PTCHD4: variants seen among roughly 807,000 people sequenced by gnomAD.
The protein encoded by PTCHD4 is patched domain containing 4, also known as patched domain-containing protein 4.
A neutral mutation model predicts 58.1 loss-of-function variants in PTCHD4; 33 were observed. The observed-to-expected ratio is 0.57, with a 90% CI of 0.43 to 0.76. The LOEUF (loss-of-function observed/expected upper bound fraction) is 0.76, where lower values mean the gene tolerates loss of function less well. PTCHD4 is among the 30% of genes least tolerant of loss of function. The pLI is 0.00. For synonymous variants in PTCHD4, 478 were observed against 409.6 expected (o/e 1.17, Z -2.02); for missense variants, 1,058 against 1,027.1 (o/e 1.03, Z -0.41).
intron 3 of PTCHD4, among the ~76,000 whole-genome samples, chr6:48,067,584 C>T (rs1049798696): frequency 3.9e-5 from 6 of 152,220 alleles, no homozygotes; most frequent in Middle Eastern, 3.4e-3. Context: ...CACACTCACA[C>T]GGCACCAAAA....
intron 1 of PTCHD4, among the ~76,000 whole-genome samples, chr6:48,070,932 T>A (rs1764965262): frequency 6.6e-6 from 1 of 152,258 alleles, no homozygotes; most frequent in South Asian, 2.1e-4. Context: ...ATCCTCTACG[T>A]TAAATTTTTT....
At chr6:48,096,723 A>C (rs1765477900) in intron 1 of PTCHD4, among the ~76,000 whole-genome samples, 1 of 152,178 alleles carries the variant, frequency 6.6e-6, no homozygotes, top group Non-Finnish European at 1.5e-5. Context: ...AGCATGGGGC[A>C]ATATTGTGAT....
At chr6:48,022,077 T>C (rs1195971266) in intron 3 of PTCHD4, among the ~76,000 whole-genome samples, 1 of 152,126 alleles carries the variant, frequency 6.6e-6, no homozygotes, top group Non-Finnish European at 1.5e-5. Context: ...AGTGACACCC[T>C]TGTATCTTTA....
At chr6:47,918,182 A>C (rs1288720564) in intron 4 of PTCHD4, among the ~76,000 whole-genome samples, 1 of 152,052 alleles carries the variant, frequency 6.6e-6, no homozygotes, top group Admixed American at 6.6e-5. Context: ...TCATGTCTGC[A>C]CCAGAAAACC....
intron 3 of PTCHD4, among the ~76,000 whole-genome samples, chr6:48,046,529 T>C (rs943686948): frequency 2.0e-5 from 3 of 151,892 alleles, no homozygotes; most frequent in Non-Finnish European, 4.4e-5. Flanking sequence ...TATAAACAAC[T>C]GTTTGAAATG....
chr6:48,097,679 C>G (rs1221556377), intron 1 of PTCHD4, among the ~76,000 whole-genome samples: 1 of 152,112 alleles, frequency 6.6e-6, no homozygotes, highest in Non-Finnish European at 1.5e-5. Flanking sequence ...AAGCCCCTGT[C>G]TTCTGAGGAC....
rs1763438404 is a variant in PTCHD4 at position 47,861,956 on chromosome 6, T to C, written c.*16347A>G. On this transcript the variant is annotated 3_prime_UTR_variant, in exon 5 of 5. Transcript: ENST00000339488. The stretch of plus-strand genomic sequence containing the variant: ...CCTAGGTAACTGTCCATATTTCCTG[T>C]TATCGAAAAAGTTCTTCCAATCAGT... Among the ~76,000 whole-genome samples the C allele has an allele frequency of 6.6e-6, 1 of 151,898 alleles. No individual in the cohort carries two copies. The highest frequency in any genetic ancestry group is 2.1e-4 in the South Asian group (1 of 4,826).
In PTCHD4 at chr6:48,008,063, A is replaced by T. The variant is rs570851126; in HGVS notation, c.898+571T>A. Among the ~76,000 whole-genome samples the T allele has an allele frequency of 8.5e-5, 13 of 152,276 alleles. No individual in the cohort carries two copies. In the South Asian group the frequency reaches 2.5e-3, roughly 29 times the overall value. On this transcript the variant is annotated intron_variant, in intron 4 of 4. Transcript: ENST00000339488. ...CTAAGGCTATTCATTAATTCTTTTC[A>T]CCAAAGATGAAAAAAATTAGAGGAT...
At chr6:47,936,677 A>G (rs1415310367) in intron 4 of PTCHD4, among the ~76,000 whole-genome samples, 1 of 152,208 alleles carries the variant, frequency 6.6e-6, no homozygotes, top group Non-Finnish European at 1.5e-5. Flanking sequence ...TTAAACATCT[A>G]TTGTGATGTG....
At position 47,905,392 on chromosome 6, in the gene PTCHD4, G is replaced by T. The variant is rs191893152; in HGVS notation, c.899-25456C>A. Among the ~76,000 whole-genome samples, 1,150 of 152,204 alleles carry T rather than the reference G, an allele frequency of 7.6e-3. 3 individuals carry two copies. The highest frequency in any genetic ancestry group is 0.013 in the Non-Finnish European group (882 of 68,006). On this transcript the variant is annotated intron_variant, in intron 4 of 4. Transcript: ENST00000339488. ...TGATGATGGTGGCTTAGACTAAGTT[G>T]GGTCTATGGTTTAATTCAGCAAACA...
At chr6:48,091,715 C>T (rs1253707191) in intron 1 of PTCHD4, among the ~76,000 whole-genome samples, 3 of 140,848 alleles carry the variant, frequency 2.1e-5, no homozygotes, top group Admixed American at 7.1e-5. Context: ...GGCACAATCT[C>T]GGCTCACTGC....
chr6:48,022,483 A>G (rs1763103499), intron 3 of PTCHD4, among the ~76,000 whole-genome samples: 1 of 152,118 alleles, frequency 6.6e-6, no homozygotes, highest in African/African-American at 2.4e-5. Flanking sequence ...CCTTACTATA[A>G]CCAAGATATT....
rs1352780511 is a variant in PTCHD4 at position 47,873,226 on chromosome 6, GTTGAGAATCTATAGT to G, written c.*5062_*5076del. Among the ~76,000 whole-genome samples the G allele has an allele frequency of 6.6e-6, 1 of 151,738 alleles. No individual in the cohort carries two copies. Among genetic ancestry groups the G allele is most frequent in the Non-Finnish European group, 1.5e-5 (1 of 67,788 alleles). ...TTGCCTATGATCAAGTTTGCTAGCA[GTTGAGAATCTATAGT>G]TTTGCAACACCACGTGATTCTCTCT... On this transcript the variant is annotated 3_prime_UTR_variant, in exon 5 of 5. Coordinates refer to ENST00000339488, the MANE Select transcript of PTCHD4 (RefSeq NM_001384253.1).
rs113526390 is a variant in PTCHD4 at position 47,877,277 on chromosome 6, T to A, written c.*1026A>T. 6.6e-6 allele frequency among the ~76,000 whole-genome samples: 1 copy of A among 152,014 alleles called. No individual in the cohort carries two copies. On this transcript the variant is annotated 3_prime_UTR_variant, in exon 5 of 5. Transcript: ENST00000339488. ...ATCTAAAATAAGAACGGTGTAACTA[T>A]GGAGTACCCCAACTCACATACACAT...
At chr6:47,992,265 G>T (rs1456406722) in intron 4 of PTCHD4, among the ~76,000 whole-genome samples, 3 of 152,048 alleles carry the variant, frequency 2.0e-5, no homozygotes, top group Admixed American at 2.0e-4. Flanking sequence ...TGATATAATT[G>T]TGTATATATA....
intron 4 of PTCHD4, among the ~76,000 whole-genome samples, chr6:47,969,368 A>T (rs150954893): frequency 6.6e-6 from 1 of 152,242 alleles, no homozygotes; most frequent in Admixed American, 6.5e-5. Flanking sequence ...TTTTGCATTC[A>T]TGGGTTTAGA....
chr6:48,004,241 T>A (rs181598692), intron 4 of PTCHD4, among the ~76,000 whole-genome samples: 1 of 152,286 alleles, frequency 6.6e-6, no homozygotes, highest in Admixed American at 6.5e-5. Flanking sequence ...AGTGAAAATC[T>A]GTATCTGAAA....
At chr6:48,046,994 G>A (rs1003319687) in intron 3 of PTCHD4, among the ~76,000 whole-genome samples, 2 of 151,812 alleles carry the variant, frequency 1.3e-5, no homozygotes, top group African/African-American at 4.8e-5. Context: ...GTCATAAACT[G>A]AATATTGCTT....
chr6:47,903,480 C>T (rs1002049073), intron 4 of PTCHD4, among the ~76,000 whole-genome samples: 2 of 151,990 alleles, frequency 1.3e-5, no homozygotes, highest in Non-Finnish European at 2.9e-5. Flanking sequence ...CCATGCCAGA[C>T]TTTTTTGTAT....
Sources: gnomAD v4.1 joint callset for allele counts (sites outside exome capture counted in the v4.1 genomes callset) on GRCh38, gnomAD v4.1.1 for gene constraint, MANE v1.5 for transcripts, NCBI Gene and HGNC (gene_info 2026-07-23, HGNC 2026-07-21) for gene names.